SYT2: variants seen among roughly 807,000 people sequenced by gnomAD.
The protein encoded by SYT2 is synaptotagmin 2.
SYT2 carries 15 observed loss-of-function variants against 39.9 expected under a neutral mutation model. That is an observed-to-expected ratio of 0.38 (90% confidence interval 0.25 to 0.58). The LOEUF is 0.58. SYT2 is among the 20% of genes least tolerant of loss of function. The probability of loss-of-function intolerance (pLI) is 0.70; values close to 1 mark genes in which losing one functional copy is unlikely to be tolerated. For synonymous variants in SYT2, 181 were observed against 204.5 expected, an observed-to-expected ratio of 0.89 and a Z score of 0.98; for missense variants, 389 against 530.3, an observed-to-expected ratio of 0.73 and a Z score of 2.62.
Position 202,596,910 on chromosome 1 carries a change from T to C in SYT2, c.1107A>G (p.Glu369=). ...VLDYDKLGKN[E]AIGKIFVGSN... is the part of the protein sequence containing the mutation. ...TGCCCACGAAGATCTTGCCTATGGC[T>C]TCGTTCTTGCCCAGCTTGTCATAGT... Residue 369 remains glutamate, a synonymous_variant, in exon 9 of 9, where the codon GAA becomes GAG. Transcript: ENST00000367268. The C allele has an allele frequency of 6.2e-7, 1 of 1,614,214 alleles. No homozygotes were observed. Among genetic ancestry groups the C allele is most frequent in the Non-Finnish European group, 8.5e-7 (1 of 1,180,028 alleles).
chr1:202,597,968 C>T (rs988758596), intron 8 of SYT2, among the ~76,000 whole-genome samples: 7 of 152,320 alleles, frequency 4.6e-5, no homozygotes, highest in Admixed American at 3.9e-4. Context: ...ACCAAGCTCT[C>T]TCTGGGAAGC....
chr1:202,630,968 A>G (rs1214509098), intron 1 of SYT2, among the ~76,000 whole-genome samples: 3 of 152,120 alleles, frequency 2.0e-5, no homozygotes, highest in Non-Finnish European at 4.4e-5. Flanking sequence ...ACAGCCCAGG[A>G]TGAAGCACCT....
intron 1 of SYT2, among the ~76,000 whole-genome samples, chr1:202,697,813 T>C (rs2149120181): frequency 6.6e-6 from 1 of 152,238 alleles, no homozygotes; most frequent in East Asian, 1.9e-4. Flanking sequence ...ACCATTTTTA[T>C]TTGTCAATTA....
chr1:202,618,400 AGTGTGTGTGTGT>A (rs57621822), intron 1 of SYT2, among the ~76,000 whole-genome samples: 1 of 148,766 alleles, frequency 6.7e-6, no homozygotes, highest in Non-Finnish European at 1.5e-5. Flanking sequence ...GTCTGGTGTG[AGTGTGTGTGTGT>A]GTGTGTGTGT....
chr1:202,605,710 C>A lies in SYT2; in HGVS notation c.63G>T (p.Thr21=). Residue 21 remains threonine, a synonymous_variant, in exon 2 of 9, where the codon ACG becomes ACT. Transcript: ENST00000367268. ...AGTTGTCCACGGGTCCAATGGGCAT[C>A]GTGGCGGTGGTGGTGGCAGGAGCCA... ...PIVAPATTTA[T]MPIGPVDNST... 3.1e-6 allele frequency: 5 copies of A among 1,614,024 alleles called. No homozygotes were observed. Among genetic ancestry groups the A allele is most frequent in the Non-Finnish European group, 4.2e-6 (5 of 1,179,970 alleles).
Position 202,623,342 on chromosome 1 carries a change from T to C in SYT2, c.-17-17553A>G, listed in dbSNP as rs925939184. On this transcript the variant is annotated intron_variant, in intron 1 of 8. Coordinates refer to ENST00000367268, the MANE Select transcript of SYT2 (RefSeq NM_177402.5). This position sits in a 1 kb window ranked among gnomAD's most constrained non-coding sequence, Gnocchi z 4.2. Reference sequence around the variant, plus strand: ...GCCTGGCCAGCCCTGAGCTGCCTGCTGGGGCCCCCAGCTGCTCCCAGCCCA... The same window carrying C: ...GCCTGGCCAGCCCTGAGCTGCCTGCCGGGGCCCCCAGCTGCTCCCAGCCCA... Among the ~76,000 whole-genome samples, 2 of 152,234 alleles carry C rather than the reference T, an allele frequency of 1.3e-5. No individual in the cohort carries two copies. Among genetic ancestry groups the C allele is most frequent in the African/African-American group, 4.8e-5 (2 of 41,458 alleles).
intron 1 of SYT2, among the ~76,000 whole-genome samples, chr1:202,649,201 G>A (rs1349134001): frequency 6.6e-6 from 1 of 152,258 alleles, no homozygotes. Context: ...AGGAACTGGA[G>A]ACACTGAAAC....
chr1:202,603,271 T>C (rs1690582785), intron 3 of SYT2, among the ~76,000 whole-genome samples, 153 bp from the exon 4 acceptor site: 1 of 152,094 alleles, frequency 6.6e-6, no homozygotes, highest in Non-Finnish European at 1.5e-5. Context: ...GGCCCTGCCA[T>C]GGGACCCTCC....
At chr1:202,653,513 T>G (rs1420425669) in intron 1 of SYT2, among the ~76,000 whole-genome samples, 3 of 149,766 alleles carry the variant, frequency 2.0e-5, no homozygotes, top group Admixed American at 6.7e-5. Context: ...GGGCACATAG[T>G]AGATGCTTGC....
rs138550279 is a variant in SYT2, at chr1:202,677,069, C to T, written c.-18+33189G>A. On this transcript the variant is annotated intron_variant, in intron 1 of 8. Coordinates refer to ENST00000367268, the MANE Select transcript of SYT2 (RefSeq NM_177402.5). ...CCTGCTTCTCCTTCACTTTCTGCCACGATTGTAGATTTCCTGAGGCCTCCC... is the reference window on the plus strand; with the variant it reads ...CCTGCTTCTCCTTCACTTTCTGCCATGATTGTAGATTTCCTGAGGCCTCCC... Among the ~76,000 whole-genome samples, 25 of 152,268 alleles carry T rather than the reference C, an allele frequency of 1.6e-4. 1 individual carries two copies. The highest frequency in any genetic ancestry group is 1.5e-3 in the South Asian group (7 of 4,826).
At chr1:202,669,466 A>G (rs1381298228) in intron 1 of SYT2, among the ~76,000 whole-genome samples, 1 of 152,048 alleles carries the variant, frequency 6.6e-6, no homozygotes, top group Non-Finnish European at 1.5e-5. Context: ...TCTGGCCAAG[A>G]TGGTAAAACC....
At chr1:202,671,090 G>A (rs904842120) in intron 1 of SYT2, among the ~76,000 whole-genome samples, 5 of 152,212 alleles carry the variant, frequency 3.3e-5, no homozygotes, top group Admixed American at 6.5e-5. Flanking sequence ...GAAGCAGTCA[G>A]ACCAGCAAAA....
At chr1:202,602,895 A>G in intron 4 of SYT2, 104 bp downstream of exon 4, 8 of 1,382,804 alleles carry the variant, frequency 5.8e-6, no homozygotes, top group Non-Finnish European at 8.1e-6. Flanking sequence ...TATGGAAAGG[A>G]GTAGTGCCCA....
chr1:202,687,469 T>A (rs909965840), intron 1 of SYT2, among the ~76,000 whole-genome samples: 1 of 152,128 alleles, frequency 6.6e-6, no homozygotes, highest in East Asian at 1.9e-4. Context: ...CCGCAGAACC[T>A]AGCTCTGGGT....
intron 1 of SYT2, among the ~76,000 whole-genome samples, chr1:202,699,219 G>A (rs1370877452): frequency 5.3e-5 from 8 of 151,698 alleles, no homozygotes; most frequent in Admixed American, 1.3e-4. Context: ...ATGGGGTCTC[G>A]CTATGTTGCC....
Position 202,603,004 on chromosome 1 carries a change from T to G in SYT2, c.460A>C (p.Asn154His). The G allele has an allele frequency of 6.3e-7, 1 of 1,599,592 alleles. No individual in the cohort carries two copies. Among genetic ancestry groups the G allele is most frequent in the Non-Finnish European group, 8.5e-7 (1 of 1,171,634 alleles). ...CCCCCCACAGCCCTGCATACCTGAT[T>G]AGCCTGAAAATCATAGTCCAGGGAA... ...QFSLDYDFQA[N>H]QLTVGVLQAA... The change falls in exon 4 of 9, where the codon AAT (asparagine) becomes CAT (histidine). Residue 154 changes from asparagine (N) to histidine (H), a missense_variant. Physicochemically the swap from Asn to His is moderately conservative, Grantham distance 68 (BLOSUM62 1). This residue lies in a region of SYT2 where 280 missense variants were observed against 335.6 expected (regional missense o/e 0.83). Transcript: ENST00000367268.
At position 202,666,108 on chromosome 1, in the gene SYT2, G is replaced by A. The variant is rs570053997; in HGVS notation, c.-18+44150C>T. Among the ~76,000 whole-genome samples, 35 of 148,266 alleles carry A rather than the reference G, an allele frequency of 2.4e-4. 1 individual carries two copies. Among genetic ancestry groups the A allele is most frequent in the Admixed American group, 2.2e-3 (32 of 14,662 alleles). On this transcript the variant is annotated intron_variant, in intron 1 of 8. Transcript: ENST00000367268. ...GCGGAGCTTGCAGTGAGCCGAGATC[G>A]TGCCACTGCACTCCAGCCTGGGCGA...
At chr1:202,691,464 C>T (rs1167292781) in intron 1 of SYT2, among the ~76,000 whole-genome samples, 1 of 151,786 alleles carries the variant, frequency 6.6e-6, no homozygotes, top group African/African-American at 2.4e-5. Flanking sequence ...ACCTGGGCAA[C>T]ACAGTGAGAG....
intron 1 of SYT2, among the ~76,000 whole-genome samples, chr1:202,666,152 C>CAA (rs56942389): frequency 8.7e-5 from 9 of 102,888 alleles, no homozygotes; most frequent in African/African-American, 1.6e-4. Context: ...GACTCCGTCT[C>CAA]AAAAAAAAAA....
Sources: gnomAD v4.1 joint callset for allele counts (sites outside exome capture counted in the v4.1 genomes callset) on GRCh38, gnomAD v4.1.1 for gene constraint, gnomAD v4.1.1 regional missense constraint, Gnocchi (gnomAD v3.1) non-coding constraint, MANE v1.5 for transcripts, NCBI Gene and HGNC (gene_info 2026-07-23, HGNC 2026-07-21) for gene names.